The following TFB2M variants were observed in gnomAD, a reference collection of about 807,000 sequenced individuals.
TFB2M encodes dimethyladenosine transferase 2, mitochondrial.
In TFB2M, 44 loss-of-function variants were observed where a neutral mutation model predicts 41.3. The ratio of observed to expected loss-of-function variants is 1.07; its 90% confidence interval spans 0.84 to 1.37. TFB2M has a LOEUF of 1.37. TFB2M is among the 40% of genes most tolerant of loss of function. The pLI is 0.00. For missense variants in TFB2M, 496 were observed against 490.2 expected (o/e 1.01, Z -0.11); for synonymous variants, 188 against 176.8 (o/e 1.06, Z -0.50).
At chr1:246,556,550 A>G (rs371257689) in intron 4 of TFB2M, 23 bp downstream of exon 4, 3 of 1,438,482 alleles carry the variant, frequency 2.1e-6, no homozygotes, top group African/African-American at 2.9e-5. Flanking sequence ...AGAACAAAAA[A>G]TAGGTATTTG....
At chr1:246,546,690 T>C (rs904524058) in intron 6 of TFB2M, among the ~76,000 whole-genome samples, 2 of 149,098 alleles carry the variant, frequency 1.3e-5, no homozygotes, top group African/African-American at 4.9e-5. Context: ...TATTGAGTCC[T>C]TGCTATATTC....
chr1:246,552,541 CAAAAAT>C (rs1659213810), intron 4 of TFB2M, among the ~76,000 whole-genome samples: 1 of 150,940 alleles, frequency 6.6e-6, no homozygotes, highest in South Asian at 2.1e-4. Flanking sequence ...CCTGTCACTA[CAAAAAT>C]AAACTACCTG....
intron 6 of TFB2M, among the ~76,000 whole-genome samples, chr1:246,545,316 G>A (rs901211607): frequency 6.6e-6 from 1 of 152,006 alleles, no homozygotes; most frequent in African/African-American, 2.4e-5. Flanking sequence ...ATCACTCGAG[G>A]TCAGGAGTTC....
chr1:246,557,338 T>C (rs1406529971), intron 3 of TFB2M, 43 bp downstream of exon 3: 1 of 1,582,968 alleles, frequency 6.3e-7, no homozygotes, highest in Admixed American at 1.9e-5. Context: ...TAGAGACACC[T>C]GGCAAATTCT....
intron 2 of TFB2M, among the ~76,000 whole-genome samples, chr1:246,561,938 T>C (rs757316397): frequency 2.0e-4 from 31 of 152,344 alleles, no homozygotes; most frequent in Non-Finnish European, 3.7e-4. Context: ...TTCTCATTTT[T>C]AATTTCCAAG....
intron 4 of TFB2M, among the ~76,000 whole-genome samples, chr1:246,553,932 CT>C (rs1164227443): frequency 6.6e-6 from 1 of 152,170 alleles, no homozygotes; most frequent in African/African-American, 2.4e-5. Flanking sequence ...GAATCAGCCC[CT>C]GATTTCAAAA....
intron 4 of TFB2M, among the ~76,000 whole-genome samples, chr1:246,552,742 A>G (rs1278706794): frequency 6.6e-6 from 1 of 152,058 alleles, no homozygotes; most frequent in Non-Finnish European, 1.5e-5. Context: ...AAAAATAATT[A>G]TAATACCCCT....
Position 246,551,251 on chromosome 1 carries a change from T to A in TFB2M, c.757A>T (p.Ile253Phe). Reference sequence around the variant, plus strand: ...TTAATCTCACAAGCTAATTGCCAGATAACACTTAATACATGATACAAGTCT... The same window carrying A: ...TTAATCTCACAAGCTAATTGCCAGAAAACACTTAATACATGATACAAGTCT... ...NPDLYHVLSV[I>F]WQLACEIKVL... Residue 253 changes from isoleucine to phenylalanine, a missense_variant, in exon 5 of 8, where the codon ATC (isoleucine) becomes TTC (phenylalanine). Physicochemically the swap from Ile to Phe is conservative, Grantham distance 21 (BLOSUM62 0). Transcript: ENST00000366514. 1.9e-6 allele frequency: 3 copies of A among 1,613,972 alleles called. No homozygotes were observed. Among genetic ancestry groups the A allele is most frequent in the Non-Finnish European group, 2.5e-6 (3 of 1,179,840 alleles).
In TFB2M at chr1:246,555,288, C is replaced by T. The variant is rs141024262; in HGVS notation, c.705+1285G>A. Among the ~76,000 whole-genome samples, 818 of 152,230 alleles carry T rather than the reference C, an allele frequency of 5.4e-3. 10 individuals carry two copies. Among genetic ancestry groups the T allele is most frequent in the African/African-American group, 0.018 (762 of 41,530 alleles). ...CGGATAACAAACAGTATGGCAGTTCCTCAAAAAACTAAAAATAGACTGGGT... is the reference window on the plus strand; with the variant it reads ...CGGATAACAAACAGTATGGCAGTTCTTCAAAAAACTAAAAATAGACTGGGT... On this transcript the variant is annotated intron_variant, in intron 4 of 7. Coordinates refer to ENST00000366514, the MANE Select transcript of TFB2M (RefSeq NM_022366.3).
intron 6 of TFB2M, among the ~76,000 whole-genome samples, chr1:246,547,020 G>A (rs1572085177): frequency 8.0e-6 from 1 of 125,268 alleles, no homozygotes; most frequent in South Asian, 2.4e-4. Flanking sequence ...GTCTCACTCT[G>A]TTATCCAGGC....
intron 6 of TFB2M, among the ~76,000 whole-genome samples, chr1:246,545,946 T>A (rs986718423): frequency 6.7e-6 from 1 of 149,642 alleles, no homozygotes; most frequent in Non-Finnish European, 1.5e-5. Context: ...GCACAGAACA[T>A]CCTCTGTCTG....
At chr1:246,549,188 C>A (rs1659100211) in intron 5 of TFB2M, among the ~76,000 whole-genome samples, 1 of 151,530 alleles carries the variant, frequency 6.6e-6, no homozygotes, top group Non-Finnish European at 1.5e-5. Flanking sequence ...AGACCCTATC[C>A]AAAAACAACA....
intron 4 of TFB2M, among the ~76,000 whole-genome samples, chr1:246,554,720 T>C (rs1473322548): frequency 1.3e-5 from 2 of 152,188 alleles, no homozygotes; most frequent in African/African-American, 4.8e-5. Context: ...TGAATCATCC[T>C]GAAACCATCC....
At chr1:246,556,808 CA>C in intron 3 of TFB2M, 87 bp from the exon 4 acceptor site, 1 of 1,065,448 alleles carries the variant, frequency 9.4e-7, no homozygotes, top group Admixed American at 3.0e-5. Flanking sequence ...ACTAAGTTAA[CA>C]AACTATATTA....
intron 1 of TFB2M, among the ~76,000 whole-genome samples, chr1:246,565,101 G>A (rs530292275): frequency 6.6e-6 from 1 of 152,308 alleles, no homozygotes; most frequent in East Asian, 1.9e-4. Flanking sequence ...CCATCAAAGA[G>A]ATTGTCAAGC....
At chr1:246,559,986 G>C (rs1304914075) in intron 2 of TFB2M, among the ~76,000 whole-genome samples, 1 of 152,212 alleles carries the variant, frequency 6.6e-6, no homozygotes, top group Non-Finnish European at 1.5e-5. Context: ...GCATGGCAAG[G>C]CTGTCTAACC....
chr1:246,557,450 T>A lies in TFB2M; in HGVS notation c.487A>T (p.Lys163Ter). Residue 163 changes from lysine (K) to a stop codon, truncating the protein, a stop_gained, in exon 3 of 8, where the codon AAA becomes TAA. Coordinates refer to ENST00000366514, the MANE Select transcript of TFB2M (RefSeq NM_022366.3). LOFTEE classifies it high-confidence loss of function. ...CCTCGAGAAGACATAGCAGGTGGTT[T>A]TATTACTCCACCACTTCTAGGATCT... ...KLDPRSGGVIKPPAMSSRGLF... is the reference protein window; with the variant it reads ...KLDPRSGGVI 3 of 1,613,870 alleles carry A rather than the reference T, an allele frequency of 1.9e-6. No homozygotes were observed. In the East Asian group the frequency reaches 6.7e-5, roughly 36 times the overall value.
At chr1:246,555,257 C>T (rs1234130139) in intron 4 of TFB2M, among the ~76,000 whole-genome samples, 1 of 152,134 alleles carries the variant, frequency 6.6e-6, no homozygotes, top group Non-Finnish European at 1.5e-5. Context: ...AATGGTGCAT[C>T]CACGACGGAT....
intron 2 of TFB2M, among the ~76,000 whole-genome samples, chr1:246,560,297 C>G (rs145133085): frequency 2.3e-4 from 35 of 152,274 alleles, no homozygotes; most frequent in Non-Finnish European, 4.6e-4. Flanking sequence ...TGTGGTGGCT[C>G]ATGCTTGTAG....
Sources: gnomAD v4.1 joint callset for allele counts (sites outside exome capture counted in the v4.1 genomes callset) on GRCh38, gnomAD v4.1.1 for gene constraint, MANE v1.5 for transcripts, NCBI Gene and HGNC (gene_info 2026-07-23, HGNC 2026-07-21) for gene names.